AFG2A: variants seen among roughly 807,000 people sequenced by gnomAD.
AFG2A encodes AAA ATPase AFG2A.
the AFG2A span, among the ~76,000 whole-genome samples, chr4:123,124,090 A>G: frequency 6.6e-5 from 10 of 152,150 alleles, no homozygotes; most frequent in African/African-American, 1.9e-4. Flanking sequence ...CAATTCCTCA[A>G]GGATCTAGAA....
chr4:122,952,689 G>A, the AFG2A span, among the ~76,000 whole-genome samples: 127 of 152,284 alleles, frequency 8.3e-4, 1 homozygote, highest in Non-Finnish European at 5.7e-4. Flanking sequence ...TATCATCACT[G>A]TAATGGAAAA....
the AFG2A span, among the ~76,000 whole-genome samples, chr4:123,071,578 A>G: frequency 6.6e-6 from 1 of 152,106 alleles, no homozygotes; most frequent in Non-Finnish European, 1.5e-5. Flanking sequence ...TTAGTGTGGA[A>G]TTTTTACTGG....
the AFG2A span, among the ~76,000 whole-genome samples, chr4:123,089,255 G>A: frequency 6.6e-6 from 1 of 152,158 alleles, no homozygotes; most frequent in Non-Finnish European, 1.5e-5. Flanking sequence ...GTCATTTAGA[G>A]ATGCTGATTA....
chr4:123,312,194 T>A, the AFG2A span, among the ~76,000 whole-genome samples: 1 of 152,212 alleles, frequency 6.6e-6, no homozygotes, highest in Non-Finnish European at 1.5e-5. Flanking sequence ...TAATTAATAT[T>A]TGTCCACTCA....
At chr4:123,017,474 C>A in the AFG2A span, among the ~76,000 whole-genome samples, 1 of 39,054 alleles carries the variant, frequency 2.6e-5, no homozygotes, top group East Asian at 9.0e-4. Flanking sequence ...CAGCTAATGG[C>A]TTTTACTTAT....
At chr4:123,020,300 T>C in the AFG2A span, among the ~76,000 whole-genome samples, 1 of 152,040 alleles carries the variant, frequency 6.6e-6, no homozygotes, top group Non-Finnish European at 1.5e-5. Context: ...TTATGGATAA[T>C]ATAGAAATTG....
chr4:123,145,154 T>C, the AFG2A span, among the ~76,000 whole-genome samples: 1 of 152,000 alleles, frequency 6.6e-6, no homozygotes, highest in Non-Finnish European at 1.5e-5. Context: ...AAAAAATAAT[T>C]AATAATTATT....
the AFG2A span, among the ~76,000 whole-genome samples, chr4:123,176,542 T>C: frequency 6.6e-6 from 1 of 152,328 alleles, no homozygotes; most frequent in African/African-American, 2.4e-5. Context: ...TATGTATTAT[T>C]CAAGGATGAA....
At chr4:122,952,089 A>ACTAG in the AFG2A span, among the ~76,000 whole-genome samples, 2 of 152,172 alleles carry the variant, frequency 1.3e-5, no homozygotes, top group Admixed American at 6.5e-5. Context: ...CTGGCTGCAT[A>ACTAG]CTAGCATCAG....
the AFG2A span, among the ~76,000 whole-genome samples, chr4:123,157,609 A>G: frequency 1.3e-5 from 2 of 152,206 alleles, no homozygotes; most frequent in African/African-American, 4.8e-5. Flanking sequence ...GTATTAATTA[A>G]CAGCATCTTC....
chr4:122,955,710 C>A, the AFG2A span, among the ~76,000 whole-genome samples: 89 of 152,226 alleles, frequency 5.8e-4, no homozygotes, highest in African/African-American at 2.1e-3. Flanking sequence ...AATCGTTTTT[C>A]TTTCATTTTA....
chr4:123,248,122 C>T, the AFG2A span, among the ~76,000 whole-genome samples: 1 of 151,904 alleles, frequency 6.6e-6, no homozygotes, highest in African/African-American at 2.4e-5. Flanking sequence ...TTTAAAGTAT[C>T]TTGTGGGTAG....
the AFG2A span, among the ~76,000 whole-genome samples, chr4:123,071,541 A>C: frequency 3.9e-5 from 6 of 152,220 alleles, no homozygotes; most frequent in African/African-American, 1.4e-4. Context: ...AATCAAAACT[A>C]TACAAATGTA....
At chr4:123,261,088 C>T in the AFG2A span, among the ~76,000 whole-genome samples, 1 of 152,134 alleles carries the variant, frequency 6.6e-6, no homozygotes, top group Non-Finnish European at 1.5e-5. Flanking sequence ...GAAACCATCC[C>T]CCCACCCCAT....
the AFG2A span, among the ~76,000 whole-genome samples, chr4:122,973,967 C>T: frequency 2.0e-5 from 3 of 152,084 alleles, no homozygotes; most frequent in African/African-American, 4.8e-5. Context: ...TGTGAGCCAC[C>T]GTGCCCAACT....
the AFG2A span, among the ~76,000 whole-genome samples, chr4:123,226,475 T>C: frequency 6.6e-6 from 1 of 151,878 alleles, no homozygotes; most frequent in Non-Finnish European, 1.5e-5. Flanking sequence ...ATAATCGTGG[T>C]TTTTGTCTTT....
At chr4:122,948,730 T>C in the AFG2A span, among the ~76,000 whole-genome samples, 1 of 152,156 alleles carries the variant, frequency 6.6e-6, no homozygotes, top group Non-Finnish European at 1.5e-5. Context: ...GCAAAAAGCA[T>C]GCAGCTTGTA....
At chr4:123,183,671 CAATAA>C in the AFG2A span, among the ~76,000 whole-genome samples, 1 of 152,086 alleles carries the variant, frequency 6.6e-6, no homozygotes, top group Non-Finnish European at 1.5e-5. Flanking sequence ...TAATCTAACA[CAATAA>C]AAGAAAAATG....
At chr4:123,307,999 G>A in the AFG2A span, among the ~76,000 whole-genome samples, 1 of 152,154 alleles carries the variant, frequency 6.6e-6, no homozygotes, top group African/African-American at 2.4e-5. Flanking sequence ...ACATATCCCT[G>A]TTGTTGAGCA....
Sources: allele counts gnomAD v4.1 joint callset (sites outside exome capture counted in the v4.1 genomes callset), GRCh38; gene constraint gnomAD v4.1.1; transcripts MANE v1.5; gene names NCBI Gene and HGNC (gene_info 2026-07-23, HGNC 2026-07-21).